Variants in CDH3 observed in about 807,000 individuals in gnomAD.
CDH3 encodes the protein cadherin 3.
A neutral mutation model predicts 82.0 loss-of-function variants in CDH3; 54 were observed. That is an observed-to-expected ratio of 0.66 (90% CI 0.53 to 0.83). The LOEUF (loss-of-function observed/expected upper bound fraction) is 0.83. Ranked by LOEUF, CDH3 falls within the 40% of genes least tolerant of loss-of-function variation. CDH3 has a pLI of 0.00. For synonymous variants in CDH3, 446 were observed against 437.9 expected (o/e 1.02, Z -0.23); for missense variants, 1,054 against 1,084.6 (o/e 0.97, Z 0.40).
In CDH3 at chr16:68,707,454, C is replaced by T. The variant is rs532180144; in HGVS notation, c.99+11531C>T. Among the ~76,000 whole-genome samples, 3 of 152,256 alleles carry T rather than the reference C, an allele frequency of 2.0e-5. No homozygotes were observed. The highest frequency in any genetic ancestry group is 1.9e-4 in the East Asian group (1 of 5,176). On this transcript the variant is annotated intron_variant, in intron 1 of 2. Coordinates refer to the CDH3 transcript ENST00000569080. This position sits in a 1 kb window ranked among gnomAD's most constrained non-coding sequence, Gnocchi z 4.5. ...GCTGTATCCTCAGTCCCTGAGGATG[C>T]GGCAGGGCCTGTCGGGGCCTGTGGG...
chr16:68,710,490 C>G (rs1962012838), intron 1 of CDH3, among the ~76,000 whole-genome samples: 1 of 152,188 alleles, frequency 6.6e-6, no homozygotes, highest in South Asian at 2.1e-4. Flanking sequence ...AGAGATGTTG[C>G]TAAACCCCCT....
chr16:68,678,205 G>A lies in CDH3; in HGVS notation c.318G>A (p.Lys106=), dbSNP rs886052229. Residue 106 remains lysine, a synonymous_variant, in exon 4 of 16, where the codon AAG becomes AAA. Transcript: ENST00000264012. ...CCAAACGTATCTTACGAAGACACAA[G>A]AGAGATTGGGTGGTTGCTCCAATAT... ...FPSKRILRRH[K]RDWVVAPISV... 10 of 1,613,648 alleles carry A rather than the reference G, an allele frequency of 6.2e-6. No homozygotes were observed. In the African/African-American group the frequency reaches 1.1e-4, roughly 17 times the overall value.
intron 2 of CDH3, among the ~76,000 whole-genome samples, chr16:68,663,035 A>G (rs577410599): frequency 6.8e-6 from 1 of 146,670 alleles, no homozygotes; most frequent in African/African-American, 2.5e-5. Flanking sequence ...CACCCAGCTA[A>G]TTTTTGTATT....
At chr16:68,722,337 A>G (rs945298100) in intron 1 of CDH3, 2 of 152,196 alleles carry the variant, frequency 1.3e-5, no homozygotes, top group Non-Finnish European at 2.9e-5. Context: ...AAAGTTGGAC[A>G]GTTACTCTGG....
downstream of CDH3, among the ~76,000 whole-genome samples, chr16:68,728,933 A>G (rs749890196): frequency 6.6e-6 from 1 of 152,144 alleles, no homozygotes; most frequent in South Asian, 2.1e-4. Context: ...GCAAGCCTGT[A>G]TATCTCAGTA....
intron 1 of CDH3, among the ~76,000 whole-genome samples, chr16:68,716,620 C>CAAA (rs563385107): frequency 2.9e-4 from 30 of 102,966 alleles, no homozygotes; most frequent in East Asian, 8.0e-4. Flanking sequence ...GACTCCGGCT[C>CAAA]AAAAAAAAAA....
chr16:68,650,403 C>T (rs1365456027), intron 2 of CDH3, among the ~76,000 whole-genome samples: 2 of 152,256 alleles, frequency 1.3e-5, no homozygotes, highest in South Asian at 2.1e-4. Context: ...CTTCTGGGTT[C>T]GAGTGATTTT....
At chr16:68,651,417 C>A (rs1436013635) in intron 2 of CDH3, 2 of 548,130 alleles carry the variant, frequency 3.6e-6, no homozygotes, top group East Asian at 4.8e-5. Context: ...CATGGTCATA[C>A]CCGACTGGCT....
chr16:68,651,030 G>GATC, intron 2 of CDH3: 1 of 407,638 alleles, frequency 2.5e-6, no homozygotes, highest in Non-Finnish European at 4.3e-6. Context: ...GGGAGCCTTA[G>GATC]TAGCTGGCCT....
chr16:68,675,622 CA>C (rs578195094), intron 2 of CDH3, among the ~76,000 whole-genome samples: 11 of 151,932 alleles, frequency 7.2e-5, no homozygotes, highest in Non-Finnish European at 1.6e-4. Context: ...TGGGGAAACC[CA>C]ATCTCTACTA....
chr16:68,716,672 C>G (rs1962099133), intron 1 of CDH3, among the ~76,000 whole-genome samples: 3 of 150,220 alleles, frequency 2.0e-5, no homozygotes. Flanking sequence ...GTAGTTGCCT[C>G]TGGGGAGGGA....
chr16:68,660,896 T>C (rs1324754333), intron 2 of CDH3, among the ~76,000 whole-genome samples: 2 of 151,436 alleles, frequency 1.3e-5, no homozygotes, highest in African/African-American at 4.9e-5. Flanking sequence ...GAGGCAGAGC[T>C]TGCAGTGAGC....
downstream of CDH3, among the ~76,000 whole-genome samples, chr16:68,727,532 T>G (rs1357538640): frequency 6.6e-6 from 1 of 152,122 alleles, no homozygotes; most frequent in Admixed American, 6.6e-5. Flanking sequence ...ACCTAGCACT[T>G]TGGGAGGCCG....
intron 2 of CDH3, among the ~76,000 whole-genome samples, chr16:68,649,511 A>G (rs546174658): frequency 6.6e-6 from 1 of 152,340 alleles, no homozygotes; most frequent in East Asian, 1.9e-4. Flanking sequence ...AACAAAACGA[A>G]GTCCCTGCCC....
In CDH3 at chr16:68,707,232, G is replaced by A. The variant is rs184156416; in HGVS notation, c.99+11309G>A. Among the ~76,000 whole-genome samples, 7 of 152,306 alleles carry A rather than the reference G, an allele frequency of 4.6e-5. No individual in the cohort carries two copies. Among genetic ancestry groups the A allele is most frequent in the Admixed American group, 1.3e-4 (2 of 15,294 alleles). Reference sequence around the variant, plus strand: ...GCCAGTGTGGCTGGAGCAGAGGGACGGGTTGAGATGGGTCGAGAGTGTGTG... The same window carrying A: ...GCCAGTGTGGCTGGAGCAGAGGGACAGGTTGAGATGGGTCGAGAGTGTGTG... On this transcript the variant is annotated intron_variant, in intron 1 of 2. Coordinates refer to the CDH3 transcript ENST00000569080. This position sits in a 1 kb window ranked among gnomAD's most constrained non-coding sequence, Gnocchi z 4.5.
chr16:68,694,097 A>G (rs1961643170), intron 13 of CDH3, among the ~76,000 whole-genome samples: 1 of 152,002 alleles, frequency 6.6e-6, no homozygotes, highest in South Asian at 2.1e-4. Flanking sequence ...TCTACTAAAA[A>G]TACAAAAATT....
At chr16:68,649,628 CTGGGTAAGGGGGGTCCCT>C (rs1335723020) in intron 2 of CDH3, among the ~76,000 whole-genome samples, 1 of 152,158 alleles carries the variant, frequency 6.6e-6, no homozygotes, top group Non-Finnish European at 1.5e-5. Flanking sequence ...TGCAGGGCCC[CTGGGTAAGGGGGGTCCCT>C]GTGCAGTACT....
chr16:68,687,505 C>T lies in CDH3; in HGVS notation c.1571-7C>T. ...AGGGAGCTCATCATATGTGTCATTA[C>T]AAACAGGAAGCCCTCCCACCACTGG... is the stretch of plus-strand genomic sequence containing the variant. On this transcript the variant is annotated splice_region_variant and splice_polypyrimidine_tract_variant and intron_variant, in intron 11 of 15. Coordinates refer to ENST00000264012, the MANE Select transcript of CDH3 (RefSeq NM_001793.6). 1 of 1,612,946 alleles carries T rather than the reference C, an allele frequency of 6.2e-7. No individual in the cohort carries two copies. Among genetic ancestry groups the T allele is most frequent in the Non-Finnish European group, 8.5e-7 (1 of 1,178,996 alleles).
intron 9 of CDH3, among the ~76,000 whole-genome samples, chr16:68,683,626 T>A (rs1961292828): frequency 8.3e-6 from 1 of 120,272 alleles, no homozygotes; most frequent in Non-Finnish European, 1.6e-5. Context: ...GACTCCAGCC[T>A]GGGTGACAGA....
Sources: gnomAD v4.1 joint callset for allele counts (sites outside exome capture counted in the v4.1 genomes callset) on GRCh38, gnomAD v4.1.1 for gene constraint, Gnocchi (gnomAD v3.1) non-coding constraint, MANE v1.5 for transcripts, NCBI Gene and HGNC (gene_info 2026-07-23, HGNC 2026-07-21) for gene names.